The following STAU1 variants were observed in gnomAD, a reference collection of about 807,000 sequenced individuals.
STAU1 encodes double-stranded RNA-binding protein Staufen homolog 1.
Under a neutral mutation model 62.9 loss-of-function variants are expected in STAU1, and 13 were observed. That is an observed-to-expected ratio of 0.21 (90% CI 0.13 to 0.33). The LOEUF (loss-of-function observed/expected upper bound fraction) is 0.33. Ranked by LOEUF, STAU1 falls within the 10% of genes least tolerant of loss-of-function variation. The pLI, the probability that STAU1 is intolerant of heterozygous loss-of-function variation, is 1.00. For missense variants in STAU1, 571 were observed against 712.1 expected (o/e 0.80, Z 2.25); for synonymous variants, 269 against 265.1 (o/e 1.01, Z -0.14).
At chr20:49,218,365 C>T in the STAU1 span, among the ~76,000 whole-genome samples, 1 of 151,786 alleles carries the variant, frequency 6.6e-6, no homozygotes, top group East Asian at 1.9e-4. Context: ...GCTGGGACTA[C>T]AGGCGCCCGC....
intron 6 of STAU1, among the ~76,000 whole-genome samples, chr20:49,133,877 C>A (rs2092809537): frequency 6.6e-6 from 1 of 152,104 alleles, no homozygotes; most frequent in African/African-American, 2.4e-5. Flanking sequence ...AGAGAGGCAT[C>A]AGCAGGGTGA....
rs115192659 is a variant in STAU1 at position 49,178,155 on chromosome 20, C to A, written c.-159-3886G>T. Among the ~76,000 whole-genome samples, 1,064 of 152,132 alleles carry A rather than the reference C, an allele frequency of 7.0e-3. 15 individuals are homozygous for A. Among genetic ancestry groups the A allele is most frequent in the African/African-American group, 0.023 (975 of 41,492 alleles). On this transcript the variant is annotated intron_variant, in intron 1 of 13. Coordinates refer to ENST00000371856, the MANE Select transcript of STAU1 (RefSeq NM_017453.4). ...GTGCACCACTGCACTCCAGCCTAGG[C>A]AATGAAGCAAGACTCCATCTCAAAA... is the stretch of plus-strand genomic sequence containing the variant.
At chr20:49,204,995 C>T in the STAU1 span, among the ~76,000 whole-genome samples, 1 of 151,790 alleles carries the variant, frequency 6.6e-6, no homozygotes, top group African/African-American at 2.4e-5. Flanking sequence ...AAAAAATTCA[C>T]AAGATTTTGT....
intron 13 of STAU1, 51 bp from the exon 14 acceptor site, chr20:49,114,944 T>G: frequency 6.4e-7 from 1 of 1,569,294 alleles, no homozygotes; most frequent in Non-Finnish European, 8.8e-7. Context: ...GTAAGAGAAT[T>G]AAAGTACTGT....
intron 5 of STAU1, among the ~76,000 whole-genome samples, chr20:49,144,456 C>T (rs2093079520): frequency 6.6e-6 from 1 of 152,142 alleles, no homozygotes; most frequent in Non-Finnish European, 1.5e-5. Context: ...TTCATCTATG[C>T]TAGCATCTGA....
chr20:49,210,802 G>T, the STAU1 span, among the ~76,000 whole-genome samples: 1 of 151,718 alleles, frequency 6.6e-6, no homozygotes, highest in Non-Finnish European at 1.5e-5. Flanking sequence ...ATTATATATT[G>T]AAGTGAATTC....
At chr20:49,210,556 A>G in the STAU1 span, 1 of 454,794 alleles carries the variant, frequency 2.2e-6, no homozygotes, top group South Asian at 1.6e-5. Context: ...TAGAGCTGTC[A>G]AAAAGCACAC....
chr20:49,156,880 T>C (rs1339534913), intron 3 of STAU1, among the ~76,000 whole-genome samples: 1 of 11,496 alleles, frequency 8.7e-5, no homozygotes. Context: ...GCACTGAAAT[T>C]TTTTTTTTTT....
intron 1 of STAU1, among the ~76,000 whole-genome samples, chr20:49,183,512 C>A (rs976268474): frequency 6.6e-6 from 1 of 152,110 alleles, no homozygotes; most frequent in Non-Finnish European, 1.5e-5. Context: ...AAAAAGATAC[C>A]CTTTTCATGA....
chr20:49,125,198 CAAAAAAAAAAAAAAAA>C (rs1171534142), intron 6 of STAU1, among the ~76,000 whole-genome samples: 2 of 33,716 alleles, frequency 5.9e-5, no homozygotes, highest in Admixed American at 1.1e-3. Flanking sequence ...CTCATTTTTG[CAAAAAAAAAAAAAAAA>C]AAAAAAAAAA....
intron 3 of STAU1, among the ~76,000 whole-genome samples, chr20:49,155,810 C>T (rs976553257): frequency 2.0e-5 from 3 of 152,140 alleles, no homozygotes; most frequent in Admixed American, 2.0e-4. Flanking sequence ...AATTTGTCTG[C>T]AATAGAGAAT....
intron 1 of STAU1, among the ~76,000 whole-genome samples, chr20:49,185,637 TG>T (rs1327736782): frequency 6.6e-6 from 1 of 152,114 alleles, no homozygotes; most frequent in African/African-American, 2.4e-5. Flanking sequence ...CTAGTTTGTG[TG>T]GGGGGATACA....
chr20:49,171,471 T>G (rs2093596152), intron 2 of STAU1, among the ~76,000 whole-genome samples: 3 of 152,198 alleles, frequency 2.0e-5, no homozygotes, highest in African/African-American at 7.2e-5. Context: ...AATTTTTTTT[T>G]TGTATTTTTA....
At chr20:49,173,390 G>A (rs895097893) in intron 2 of STAU1, among the ~76,000 whole-genome samples, 1 of 152,158 alleles carries the variant, frequency 6.6e-6, no homozygotes, top group African/African-American at 2.4e-5. Flanking sequence ...CCAGGAGGCC[G>A]AGGTGAGCCA....
At chr20:49,138,089 G>A (rs981788232) in intron 5 of STAU1, among the ~76,000 whole-genome samples, 6 of 152,010 alleles carry the variant, frequency 3.9e-5, no homozygotes, top group African/African-American at 1.2e-4. Context: ...TGAGACCAGC[G>A]TGGGCAACAT....
intron 5 of STAU1, among the ~76,000 whole-genome samples, chr20:49,150,653 G>A (rs573118809): frequency 4.6e-5 from 7 of 152,120 alleles, no homozygotes; most frequent in East Asian, 1.9e-4. Flanking sequence ...GAGCCACTGC[G>A]CCCAGCCACC....
At chr20:49,115,055 C>T (rs748923373) in intron 13 of STAU1, among the ~76,000 whole-genome samples, 162 bp from the exon 14 acceptor site, 2 of 151,200 alleles carry the variant, frequency 1.3e-5, no homozygotes, top group Non-Finnish European at 2.9e-5. Context: ...AAGTAAAATA[C>T]GCAAGGAGAG....
chr20:49,202,820 C>T, the STAU1 span, among the ~76,000 whole-genome samples: 1 of 151,976 alleles, frequency 6.6e-6, no homozygotes, highest in African/African-American at 2.4e-5. Flanking sequence ...GTGGGTGGAT[C>T]ACTTGAGGCC....
At chr20:49,158,395 A>C in intron 3 of STAU1, 32 of 1,194,534 alleles carry the variant, frequency 2.7e-5, no homozygotes, top group African/African-American at 3.1e-5. Flanking sequence ...CAGTATGTCT[A>C]GGTCATTTAA....
Sources: allele counts gnomAD v4.1 joint callset (sites outside exome capture counted in the v4.1 genomes callset), GRCh38; gene constraint gnomAD v4.1.1; transcripts MANE v1.5; gene names NCBI Gene and HGNC (gene_info 2026-07-23, HGNC 2026-07-21).